Variants in C17orf50 observed in about 807,000 individuals in gnomAD.
C17orf50 encodes the protein plakoglobin binding and degradation factor, also known as uncharacterized protein C17orf50.
Under a neutral mutation model 17.7 loss-of-function variants are expected in C17orf50, and 16 were observed. The ratio of observed to expected loss-of-function variants is 0.90; its 90% confidence interval spans 0.61 to 1.37. C17orf50 has a LOEUF of 1.37. Among genes scored for constraint, C17orf50 ranks in the 40% most tolerant of loss-of-function variants. C17orf50 has a pLI of 0.00. For missense variants in C17orf50, 271 were observed against 240.7 expected, an observed-to-expected ratio of 1.13 and a Z score of -0.83; for synonymous variants, 125 against 111.0, an observed-to-expected ratio of 1.13 and a Z score of -0.80.
At position 35,764,089 on chromosome 17, in the gene C17orf50, GGAGGAC is replaced by G. The variant is rs1325038689; in HGVS notation, c.109_114del (p.Glu37_Asp38del). 40 of 1,550,170 alleles carry G rather than the reference GGAGGAC, an allele frequency of 2.6e-5. No individual in the cohort carries two copies. Among genetic ancestry groups the G allele is most frequent in the Non-Finnish European group, 3.2e-5 (37 of 1,146,794 alleles). ...AGCAAGAGGAAGGGAAGGAGGGGTC[GGAGGAC>G]GAGGACGAGGACAACCAGAGGCCGC... On this transcript the variant is annotated inframe_deletion, in exon 2 of 3. Coordinates refer to ENST00000605587, the MANE Select transcript of C17orf50 (RefSeq NM_145272.4).
Position 35,764,175 on chromosome 17 carries a change from A to AAGGCCGC in C17orf50, c.183_189dup (p.Glu64ArgfsTer106), listed in dbSNP as rs1555602157. The AAGGCCGC allele has an allele frequency of 6.5e-7, 1 of 1,548,410 alleles. No individual in the cohort carries two copies. On this transcript the variant is annotated frameshift_variant, in exon 2 of 3. Coordinates refer to ENST00000605587, the MANE Select transcript of C17orf50 (RefSeq NM_145272.4). LOFTEE classifies it high-confidence loss of function. Reference sequence around the variant, plus strand: ...CCGCCGCGGGTAGCGGAGGAGGGCGAAGGCCGCGAGCGGCGCTCAGTGTCC... The same window carrying AAGGCCGC: ...CCGCCGCGGGTAGCGGAGGAGGGCGAAGGCCGCAGGCCGCGAGCGGCGCTCAGTGTCC...
At chr17:35,762,189 C>A (rs2085834205) in intron 1 of C17orf50, among the ~76,000 whole-genome samples, 1 of 152,040 alleles carries the variant, frequency 6.6e-6, no homozygotes, top group African/African-American at 2.4e-5. Context: ...GGGGTTTCTC[C>A]TTGTTGGTCA....
rs782204634 is a variant in C17orf50, at chr17:35,763,935, AATAC to A, written c.14-69_14-66del. 7.7e-4 allele frequency: 801 copies of A among 1,044,784 alleles called. 20 individuals carry two copies. In the Admixed American group the frequency reaches 0.027, roughly 36 times the overall value. 64.7% of individuals were successfully genotyped at this position (1,044,784 alleles called of 1,614,324 possible). ...AAATAAATAAATAAATAAATAAATA[AATAC>A]ATGAAAAATTATTCTGGACCCTTTC... is the stretch of plus-strand genomic sequence containing the variant. On this transcript the variant is annotated intron_variant, in intron 1 of 2. Coordinates refer to ENST00000605587, the MANE Select transcript of C17orf50 (RefSeq NM_145272.4).
Position 35,764,759 on chromosome 17 carries a change from A to C in C17orf50, c.*141A>C. 3 of 919,490 alleles carry C rather than the reference A, an allele frequency of 3.3e-6. No individual in the cohort carries two copies. Among genetic ancestry groups the C allele is most frequent in the Non-Finnish European group, 4.6e-6 (3 of 651,832 alleles). 57.0% of individuals were successfully genotyped at this position (919,490 alleles called of 1,614,324 possible). A position where few individuals can be genotyped will look rare whatever the true frequency, so the allele number is the denominator to read the frequency against. On this transcript the variant is annotated 3_prime_UTR_variant, in exon 3 of 3. Transcript: ENST00000605587. ...CTCAGCTGCTGCCCAGAGCGCCCCC[A>C]TCCGTCAAGAAGGCCCACTGTTGGT...
Position 35,764,606 on chromosome 17 carries a change from TGG to T in C17orf50, c.515_516del (p.Gly172GlufsTer77), listed in dbSNP as rs1568123884. ...CGGATCTGGGTAAGGCGGGGGCCGCTGGGAACTCCTGAGCGCCCCCGCTCCCA... is the reference window on the plus strand; with the variant it reads ...CGGATCTGGGTAAGGCGGGGGCCGCTGAACTCCTGAGCGCCCCCGCTCCCA... ...HPDLGKAGAA[G>X]NS On this transcript the variant is annotated frameshift_variant, in exon 3 of 3. Transcript: ENST00000605587. LOFTEE classifies it high-confidence loss of function. 2.5e-6 allele frequency: 4 copies of T among 1,584,634 alleles called. No homozygotes were observed. Among genetic ancestry groups the T allele is most frequent in the Non-Finnish European group, 3.4e-6 (4 of 1,169,692 alleles).
chr17:35,761,419 G>GT (rs113571513), intron 1 of C17orf50, among the ~76,000 whole-genome samples: 4,167 of 126,222 alleles, frequency 0.033, 70 homozygotes, highest in East Asian at 0.13. Context: ...CCTGTTTTTT[G>GT]TTTTTTTTTT....
At chr17:35,761,734 T>C (rs2085824716) in intron 1 of C17orf50, among the ~76,000 whole-genome samples, 2 of 152,232 alleles carry the variant, frequency 1.3e-5, no homozygotes, top group African/African-American at 4.8e-5. Flanking sequence ...CACGTCCCTC[T>C]ACAAGAATGT....
chr17:35,763,989 C>G lies in C17orf50; in HGVS notation c.14-18C>G. On this transcript the variant is annotated intron_variant, in intron 1 of 2. Coordinates refer to ENST00000605587, the MANE Select transcript of C17orf50 (RefSeq NM_145272.4). ...CTCGGGGACAGCAGGACTGCCCTGA[C>G]CTCCTCCCGGCCCGCAGGTGTGAAG... 6.6e-7 allele frequency: 1 copy of G among 1,525,858 alleles called. No individual in the cohort carries two copies. Among genetic ancestry groups the G allele is most frequent in the South Asian group, 1.2e-5 (1 of 81,130 alleles). The allele number at this position is 1,525,858 out of a possible 1,614,324, so 94.5% of individuals were successfully genotyped here.
At chr17:35,762,933 A>T (rs993869275) in intron 1 of C17orf50, among the ~76,000 whole-genome samples, 2 of 151,996 alleles carry the variant, frequency 1.3e-5, no homozygotes, top group African/African-American at 2.4e-5. Context: ...CCATCCTGGC[A>T]AACATGGTGA....
rs933336518 is a variant in C17orf50 at position 35,764,301 on chromosome 17, G to A, written c.308G>A (p.Gly103Asp). ...TGGCTCGGCCCCTTAGCGCTGCTGG[G>A]CGGCCTAACAGCTCCCACCGACAGG... ...WGWLGPLALLGGLTAPTDRKR... is the reference protein window; with the variant it reads ...WGWLGPLALLDGLTAPTDRKR... Residue 103 changes from glycine (G) to aspartate (D), a missense_variant, in exon 2 of 3, where the codon GGC becomes GAC. By Grantham distance (94) the Gly-to-Asp change is moderately conservative (BLOSUM62 -1). Transcript: ENST00000605587. 3.2e-5 allele frequency: 48 copies of A among 1,508,698 alleles called. No individual in the cohort carries two copies. In the African/African-American group the frequency reaches 5.2e-4, roughly 16 times the overall value. The allele number at this position is 1,508,698 out of a possible 1,614,324, so 93.5% of individuals were successfully genotyped here. A position where few individuals can be genotyped will look rare whatever the true frequency, so the allele number is the denominator to read the frequency against.
In C17orf50 at chr17:35,764,719, G is replaced by T. The variant is rs587752891; in HGVS notation, c.*101G>T. On this transcript the variant is annotated 3_prime_UTR_variant, in exon 3 of 3. Coordinates refer to ENST00000605587, the MANE Select transcript of C17orf50 (RefSeq NM_145272.4). ...CGCGGAGCCCTCTTCGACGCATTCC[G>T]CAGGACCGCCCCTTCTCAGCTGCTG... 1.5e-6 allele frequency: 2 copies of T among 1,303,786 alleles called. No individual in the cohort carries two copies. Among genetic ancestry groups the T allele is most frequent in the Non-Finnish European group, 1.0e-6 (1 of 977,156 alleles). The allele number at this position is 1,303,786 out of a possible 1,614,324, so 80.8% of individuals were successfully genotyped here. A position where few individuals can be genotyped will look rare whatever the true frequency, so the allele number is the denominator to read the frequency against.
Position 35,764,269 on chromosome 17 carries a change from C to T in C17orf50, c.276C>T (p.Phe92=). Residue 92 remains phenylalanine, a synonymous_variant, in exon 2 of 3, where the codon TTC becomes TTT. Coordinates refer to ENST00000605587, the MANE Select transcript of C17orf50 (RefSeq NM_145272.4). ...TGCTGCGGCGCGCGGACAGCGGCTT[C>T]TGGGGCTGGCTCGGCCCCTTAGCGC... ...VALLRRADSG[F]WGWLGPLALL... 6.5e-7 allele frequency: 1 copy of T among 1,537,390 alleles called. No homozygotes were observed. The highest frequency in any genetic ancestry group is 2.5e-5 in the East Asian group (1 of 40,280).
At position 35,764,187 on chromosome 17, in the gene C17orf50, GGCGCTCAGTGTCCTACTGCCCGCT is replaced by G; in HGVS notation, c.199_222del (p.Ser67_Arg74del). On this transcript the variant is annotated inframe_deletion, in exon 2 of 3. Transcript: ENST00000605587. ...GCGGAGGAGGGCGAAGGCCGCGAGC[GGCGCTCAGTGTCCTACTGCCCGCT>G]GCGCCAGGAGTCCAGCACCCAGCAG... The G allele has an allele frequency of 6.5e-7, 1 of 1,548,124 alleles. No homozygotes were observed. Among genetic ancestry groups the G allele is most frequent in the Non-Finnish European group, 8.7e-7 (1 of 1,146,626 alleles).
chr17:35,763,556 G>GAT (rs2085867919), intron 1 of C17orf50, among the ~76,000 whole-genome samples: 5 of 150,302 alleles, frequency 3.3e-5, no homozygotes, highest in Admixed American at 2.7e-4. Flanking sequence ...AAAGTGCTGA[G>GAT]ATTACAGGCG....
chr17:35,764,655 T>A lies in C17orf50; in HGVS notation c.*37T>A. 1 of 1,534,122 alleles carries A rather than the reference T, an allele frequency of 6.5e-7. No homozygotes were observed. Among genetic ancestry groups the A allele is most frequent in the Non-Finnish European group, 8.7e-7 (1 of 1,149,564 alleles). On this transcript the variant is annotated 3_prime_UTR_variant, in exon 3 of 3. Coordinates refer to ENST00000605587, the MANE Select transcript of C17orf50 (RefSeq NM_145272.4). The stretch of plus-strand genomic sequence containing the variant: ...CCCAGCCTTTGTGCCCTCCATCATT[T>A]CCTGGCCCCAGACCCCCTACCGACC...
intron 1 of C17orf50, among the ~76,000 whole-genome samples, chr17:35,763,254 G>A (rs2143099273): frequency 6.6e-6 from 1 of 151,978 alleles, no homozygotes; most frequent in South Asian, 2.1e-4. Context: ...GGACAACATA[G>A]TGAGACCCTG....
At chr17:35,763,939 C>A (rs4796106) in intron 1 of C17orf50, 68 bp from the exon 2 acceptor site, 84,297 of 912,990 alleles carry the variant, frequency 0.092, 3,761 homozygotes, top group Admixed American at 0.13. Flanking sequence ...TAAATAAATA[C>A]ATGAAAAATT....
intron 1 of C17orf50, 127 bp downstream of exon 1, chr17:35,761,081 C>A: frequency 1.2e-5 from 11 of 926,882 alleles, no homozygotes; most frequent in African/African-American, 1.7e-5. Flanking sequence ...TGCAAGCCCT[C>A]TCCTTTCGCC....
In C17orf50 at chr17:35,764,314, T is replaced by TC; in HGVS notation, c.324dup (p.Thr109HisfsTer59). On this transcript the variant is annotated frameshift_variant, in exon 2 of 3. Coordinates refer to ENST00000605587, the MANE Select transcript of C17orf50 (RefSeq NM_145272.4). LOFTEE classifies it high-confidence loss of function. ...TAGCGCTGCTGGGCGGCCTAACAGC[T>TC]CCCACCGACAGGTGCCTGCGCGCTC... The TC allele has an allele frequency of 1.4e-6, 2 of 1,480,268 alleles. No homozygotes were observed. The highest frequency in any genetic ancestry group is 1.8e-6 in the Non-Finnish European group (2 of 1,121,148). The allele number at this position is 1,480,268 out of a possible 1,614,324, so 91.7% of individuals were successfully genotyped here.
Sources: gnomAD v4.1 joint callset for allele counts (sites outside exome capture counted in the v4.1 genomes callset) on GRCh38, gnomAD v4.1.1 for gene constraint, MANE v1.5 for transcripts, NCBI Gene and HGNC (gene_info 2026-07-23, HGNC 2026-07-21) for gene names.